TMEM38B: variants seen among roughly 807,000 people sequenced by gnomAD.
The protein encoded by TMEM38B is transmembrane protein 38B, also known as trimeric intracellular cation channel type B.
Under a neutral mutation model 28.7 loss-of-function variants are expected in TMEM38B, and 24 were observed. That is an observed-to-expected ratio of 0.84 (90% CI 0.61 to 1.18). The LOEUF is 1.18. Among genes scored for constraint, TMEM38B ranks in the 50% most tolerant of loss-of-function variants. The pLI is 0.00. For synonymous variants in TMEM38B, 131 were observed against 127.7 expected, an observed-to-expected ratio of 1.03 and a Z score of -0.17; for missense variants, 380 against 350.9, an observed-to-expected ratio of 1.08 and a Z score of -0.66.
chr9:105,753,122 A>G (rs950922786), intron 5 of TMEM38B, among the ~76,000 whole-genome samples: 1 of 152,220 alleles, frequency 6.6e-6, no homozygotes, highest in Non-Finnish European at 1.5e-5. Context: ...AAATAGAGAA[A>G]AAATAATGAA....
chr9:105,763,656 G>A (rs1356752718), intron 5 of TMEM38B, among the ~76,000 whole-genome samples: 2 of 152,142 alleles, frequency 1.3e-5, no homozygotes, highest in Admixed American at 6.5e-5. Context: ...AGAGGTACAA[G>A]GAGCAACTGG....
chr9:105,732,560 T>C (rs1292172256), intron 4 of TMEM38B, among the ~76,000 whole-genome samples: 1 of 152,232 alleles, frequency 6.6e-6, no homozygotes, highest in Non-Finnish European at 1.5e-5. Context: ...ATTTATTAAA[T>C]AGGGAATCCT....
At chr9:105,744,905 A>G (rs1300136509) in intron 4 of TMEM38B, among the ~76,000 whole-genome samples, 2 of 152,196 alleles carry the variant, frequency 1.3e-5, no homozygotes, top group African/African-American at 2.4e-5. Flanking sequence ...TGTCCCTACA[A>G]AGGACATGAA....
At position 105,774,218 on chromosome 9, in the gene TMEM38B, TG is replaced by T. The variant is rs1411983587; in HGVS notation, c.*139del. 3 of 700,646 alleles carry T rather than the reference TG, an allele frequency of 4.3e-6. No homozygotes were observed. In the African/African-American group the frequency reaches 5.4e-5, roughly 13 times the overall value. The allele number at this position is 700,646 out of a possible 1,614,324, so 43.4% of individuals were successfully genotyped here. A position where few individuals can be genotyped will look rare whatever the true frequency, so the allele number is the denominator to read the frequency against. On this transcript the variant is annotated 3_prime_UTR_variant, in exon 6 of 6. Coordinates refer to ENST00000374692, the MANE Select transcript of TMEM38B (RefSeq NM_018112.3). ...AGGTGACAGAAAGAAAGAAATTCTT[TG>T]TTTGAGGGAGACTTCCCCTTTCTGG...
chr9:105,759,262 A>G, intron 5 of TMEM38B: 1 of 725,314 alleles, frequency 1.4e-6, no homozygotes, highest in East Asian at 2.5e-5. Context: ...ATAGTTTCAG[A>G]TAGATCCAGT....
At chr9:105,705,868 A>G (rs1048360711) in intron 2 of TMEM38B, 115 bp downstream of exon 2, 9 of 1,111,710 alleles carry the variant, frequency 8.1e-6, no homozygotes, top group East Asian at 7.5e-5. Context: ...AAGTTAATGC[A>G]TCTGCAAGGA....
chr9:105,730,772 C>T (rs184949408), intron 4 of TMEM38B, among the ~76,000 whole-genome samples: 12 of 152,260 alleles, frequency 7.9e-5, no homozygotes, highest in Admixed American at 4.6e-4. Context: ...AGAGATTCAA[C>T]TTCTTCCTGG....
intron 5 of TMEM38B, among the ~76,000 whole-genome samples, chr9:105,756,739 G>A (rs10978235): frequency 0.23 from 35,625 of 151,910 alleles, 6,871 homozygotes; most frequent in African/African-American, 0.51. Flanking sequence ...ATAGGAAAAC[G>A]TACAATGTTG....
At chr9:105,752,851 G>T (rs1254169361) in intron 5 of TMEM38B, among the ~76,000 whole-genome samples, 6 of 152,300 alleles carry the variant, frequency 3.9e-5, no homozygotes, top group Non-Finnish European at 5.9e-5. Context: ...GCTTCAGAAG[G>T]TGAGTAATAA....
chr9:105,729,328 T>TA (rs1261010006), intron 4 of TMEM38B, among the ~76,000 whole-genome samples: 1 of 152,218 alleles, frequency 6.6e-6, no homozygotes, highest in Non-Finnish European at 1.5e-5. Flanking sequence ...CACCATTTAT[T>TA]AAATAGGGAA....
At chr9:105,704,784 C>T (rs575086897) in intron 1 of TMEM38B, among the ~76,000 whole-genome samples, 8 of 151,138 alleles carry the variant, frequency 5.3e-5, no homozygotes, top group East Asian at 2.0e-4. Flanking sequence ...ATTAGCTGGG[C>T]GTGGTGGCAG....
chr9:105,762,893 A>G (rs1325899353), intron 5 of TMEM38B, among the ~76,000 whole-genome samples: 21 of 144,090 alleles, frequency 1.5e-4, no homozygotes, highest in East Asian at 6.3e-4. Context: ...AAGTGTTCCT[A>G]TTTCTCCACA....
intron 4 of TMEM38B, among the ~76,000 whole-genome samples, chr9:105,733,138 A>T (rs1361112081): frequency 6.6e-6 from 1 of 152,120 alleles, no homozygotes; most frequent in Non-Finnish European, 1.5e-5. Flanking sequence ...TTTGCTGAGA[A>T]GTGTTTTGCT....
intron 1 of TMEM38B, among the ~76,000 whole-genome samples, chr9:105,704,874 A>G (rs1276940999): frequency 6.6e-6 from 1 of 152,074 alleles, no homozygotes; most frequent in Non-Finnish European, 1.5e-5. Flanking sequence ...TGGTGAGCCA[A>G]GATCGCATCA....
At chr9:105,696,639 C>A (rs1336018027) in intron 1 of TMEM38B, among the ~76,000 whole-genome samples, 1 of 152,190 alleles carries the variant, frequency 6.6e-6, no homozygotes, top group African/African-American at 2.4e-5. Flanking sequence ...GCTGAGGAAT[C>A]CAGTTTCTTA....
chr9:105,772,306 C>T (rs533728605), intron 5 of TMEM38B, among the ~76,000 whole-genome samples: 8 of 152,268 alleles, frequency 5.3e-5, no homozygotes, highest in Admixed American at 1.3e-4. Flanking sequence ...CACTTCCATG[C>T]GACATCCTCC....
intron 4 of TMEM38B, among the ~76,000 whole-genome samples, chr9:105,724,690 A>C (rs1421504587): frequency 1.3e-5 from 2 of 152,128 alleles, no homozygotes; most frequent in East Asian, 3.8e-4. Context: ...GTGAACTAAC[A>C]AATTTCGGGA....
At chr9:105,726,573 C>A (rs1377368458) in intron 4 of TMEM38B, among the ~76,000 whole-genome samples, 1 of 152,052 alleles carries the variant, frequency 6.6e-6, no homozygotes, top group African/African-American at 2.4e-5. Context: ...ACAGTGCCTT[C>A]TTCTGGAATA....
intron 4 of TMEM38B, among the ~76,000 whole-genome samples, chr9:105,747,390 G>C (rs1333698033): frequency 1.3e-5 from 2 of 152,100 alleles, no homozygotes; most frequent in African/African-American, 4.8e-5. Context: ...TTCTCTGATG[G>C]TAGTTTGTAT....
Sources: allele counts gnomAD v4.1 joint callset (sites outside exome capture counted in the v4.1 genomes callset), GRCh38; gene constraint gnomAD v4.1.1; transcripts MANE v1.5; gene names NCBI Gene and HGNC (gene_info 2026-07-23, HGNC 2026-07-21).